Variants in KLHL33 observed in about 807,000 individuals in gnomAD.
The protein encoded by KLHL33 is kelch like family member 33.
In KLHL33, 46 loss-of-function variants were observed where a neutral mutation model predicts 60.8. That is an observed-to-expected ratio of 0.76 (90% CI 0.60 to 0.97). The LOEUF is 0.97. Ranked by LOEUF, KLHL33 falls within the 50% of genes least tolerant of loss-of-function variation. The probability of loss-of-function intolerance (pLI) is 0.00; values close to 1 mark genes in which losing one functional copy is unlikely to be tolerated. For missense variants in KLHL33, 1,055 were observed against 1,000.0 expected (o/e 1.05, Z -0.74); for synonymous variants, 434 against 432.2 (o/e 1.00, Z -0.05).
At chr14:20,434,716 G>A (rs901242905) in intron 2 of KLHL33, among the ~76,000 whole-genome samples, 1 of 152,184 alleles carries the variant, frequency 6.6e-6, no homozygotes, top group Admixed American at 6.5e-5. Context: ...AGGATGCCAA[G>A]AAGGGCCTTT....
chr14:20,432,985 A>AGAAAGAAAGAAAGAAAGAAG (rs1555330536), intron 2 of KLHL33, among the ~76,000 whole-genome samples: 7 of 151,944 alleles, frequency 4.6e-5, no homozygotes, highest in African/African-American at 1.7e-4. Context: ...AAAGAAAGAA[A>AGAAAGAAAGAAAGAAAGAAG]GAGAGAAATT....
intron 2 of KLHL33, among the ~76,000 whole-genome samples, chr14:20,431,323 G>A (rs17211432): frequency 0.12 from 18,364 of 152,132 alleles, 1,157 homozygotes; most frequent in Middle Eastern, 0.17. Flanking sequence ...TTTTCCGTGC[G>A]TCCCAGCTTT....
chr14:20,430,291 GGA>G lies in KLHL33; in HGVS notation c.1175_1176del (p.Leu392ProfsTer7), dbSNP rs1209126183. On this transcript the variant is annotated frameshift_variant, in exon 3 of 5. Transcript: ENST00000636854. LOFTEE classifies it high-confidence loss of function. ...CLAELLDSDE[L>X]HVQEEFEAFV... ...AAGGCCTCAAACTCCTCCTGCACAT[GGA>G]GCTCATCACTATCCAGGAGCTCAGC... 8 of 1,551,754 alleles carry G rather than the reference GGA, an allele frequency of 5.2e-6. No individual in the cohort carries two copies. The highest frequency in any genetic ancestry group is 7.0e-6 in the Non-Finnish European group (8 of 1,146,992).
At chr14:20,434,914 G>GC in intron 2 of KLHL33, 150 bp downstream of exon 2, 1 of 566,556 alleles carries the variant, frequency 1.8e-6, no homozygotes, top group Admixed American at 4.4e-5. Context: ...TCTCCGTGGG[G>GC]CAGGAGAGGC....
chr14:20,432,329 C>A (rs1465656230), intron 2 of KLHL33, among the ~76,000 whole-genome samples: 1 of 151,836 alleles, frequency 6.6e-6, no homozygotes, highest in Non-Finnish European at 1.5e-5. Context: ...GACAGGCTAA[C>A]CTTGAACTCC....
At position 20,430,100 on chromosome 14, in the gene KLHL33, C is replaced by T. The variant is rs1187331284; in HGVS notation, c.1368G>A (p.Leu456=). Residue 456 remains leucine, a synonymous_variant, in exon 3 of 5, where the codon CTG becomes CTA. Transcript: ENST00000636854. ...PPLTPDLLHQ[L]MVEADVPGQE... ...GGCCTGGAACATCAGCCTCTACCAT[C>T]AGCTGGTGCAACAGATCTGGGGTCA... 1.9e-6 allele frequency: 3 copies of T among 1,551,752 alleles called. No individual in the cohort carries two copies. The highest frequency in any genetic ancestry group is 2.0e-5 in the Admixed American group (1 of 51,008).
In KLHL33 at chr14:20,429,920, C is replaced by T; in HGVS notation, c.1548G>A (p.Gln516=). The part of the protein sequence containing the change: ...VGLVRTVEWG[Q]LPALPAPGRF... ...GTCCGGGGGCAGGCAGGGCAGGCAG[C>T]TGCCCCCACTCAACAGTTCGTACCA... Residue 516 remains glutamine, a synonymous_variant, in exon 3 of 5, where the codon CAG becomes CAA. Transcript: ENST00000636854. The T allele has an allele frequency of 6.4e-7, 1 of 1,551,762 alleles. No homozygotes were observed. Among genetic ancestry groups the T allele is most frequent in the Non-Finnish European group, 8.7e-7 (1 of 1,147,026 alleles).
chr14:20,434,003 G>T (rs1880603406), intron 2 of KLHL33, among the ~76,000 whole-genome samples: 2 of 152,182 alleles, frequency 1.3e-5, no homozygotes, highest in African/African-American at 4.8e-5. Context: ...AGTGGAAGGA[G>T]ACTGGACTAG....
Position 20,428,961 on chromosome 14 carries a change from A to C in KLHL33, c.2282T>G (p.Leu761Arg). 12 of 1,551,754 alleles carry C rather than the reference A, an allele frequency of 7.7e-6. No homozygotes were observed. Among genetic ancestry groups the C allele is most frequent in the Non-Finnish European group, 9.6e-6 (11 of 1,147,002 alleles). The change falls in exon 5 of 5, where the codon CTG becomes CGG. Residue 761 changes from leucine (L) to arginine (R), a missense_variant. Leu to Arg is a moderately radical substitution (Grantham distance 102). Coordinates refer to ENST00000636854, the MANE Select transcript of KLHL33 (RefSeq NM_001365790.2). ...AGCCCGAGGCCTTGGCAGAGTTCCCAGGCAGAGCCATCGGCCCAGGCCAGG... is the reference window on the plus strand; with the variant it reads ...AGCCCGAGGCCTTGGCAGAGTTCCCCGGCAGAGCCATCGGCCCAGGCCAGG... ...YCPGLGRWLCLGTLPRPRAEM... is the reference protein window; with the variant it reads ...YCPGLGRWLCRGTLPRPRAEM...
chr14:20,428,555 C>G lies in KLHL33; in HGVS notation c.*294G>C, dbSNP rs955407192. On this transcript the variant is annotated 3_prime_UTR_variant, in exon 5 of 5. Transcript: ENST00000636854. The stretch of plus-strand genomic sequence containing the variant: ...TTGGCTACTGAAGCTTCTTAACTCT[C>G]TTTCAAACTAGATGCCCTTTCCCTA... The G allele has an allele frequency of 8.1e-6, 3 of 371,238 alleles. No individual in the cohort carries two copies. Among genetic ancestry groups the G allele is most frequent in the Non-Finnish European group, 1.5e-5 (3 of 203,038 alleles). The allele number at this position is 371,238 out of a possible 1,614,324, so 23.0% of individuals were successfully genotyped here. A position where few individuals can be genotyped will look rare whatever the true frequency, so the allele number is the denominator to read the frequency against.
chr14:20,435,469 C>G lies in KLHL33; in HGVS notation c.343G>C (p.Glu115Gln), dbSNP rs953981464. ...RLREQRLLLDEEVSVAGRVYG... is the reference protein window; with the variant it reads ...RLREQRLLLDQEVSVAGRVYG... ...ACCCGCCCCGCGACTGACACCTCTT[C>G]GTCCAGCAACAGTCTCTGCTCCCGC... The change falls in exon 2 of 5, where the codon GAA becomes CAA. Residue 115 changes from glutamate to glutamine, a missense_variant. Glu to Gln is a conservative substitution (Grantham distance 29). Transcript: ENST00000636854. 8.1e-7 allele frequency: 1 copy of G among 1,234,430 alleles called. No homozygotes were observed. The highest frequency in any genetic ancestry group is 4.1e-5 in the South Asian group (1 of 24,426). 76.5% of individuals were successfully genotyped at this position (1,234,430 alleles called of 1,614,324 possible).
Position 20,433,924 on chromosome 14 carries a change from A to G in KLHL33, c.748+1140T>C, listed in dbSNP as rs562945114. Among the ~76,000 whole-genome samples the G allele has an allele frequency of 3.9e-5, 6 of 152,304 alleles. No individual in the cohort carries two copies. In the South Asian group the frequency reaches 1.2e-3, roughly 32 times the overall value. On this transcript the variant is annotated intron_variant, in intron 2 of 4. Transcript: ENST00000636854. The stretch of plus-strand genomic sequence containing the variant: ...CTGATTTCGTCATCATCAAAGTGTA[A>G]CAGCCCAACTAGATAATCTCTAAAC...
chr14:20,428,933 C>T lies in KLHL33; in HGVS notation c.2310G>A (p.Glu770=), dbSNP rs1200472204. ...CLGTLPRPRA[E]MPACILTLPA... ...GCAGTGTCAGGATGCAGGCAGGCAT[C>T]TCAGCCCGAGGCCTTGGCAGAGTTC... Residue 770 remains glutamate, a synonymous_variant, in exon 5 of 5, where the codon GAG becomes GAA. Coordinates refer to ENST00000636854, the MANE Select transcript of KLHL33 (RefSeq NM_001365790.2). 6.4e-7 allele frequency: 1 copy of T among 1,551,764 alleles called. No individual in the cohort carries two copies. The highest frequency in any genetic ancestry group is 2.0e-5 in the Admixed American group (1 of 51,006).
chr14:20,431,139 G>A (rs942299439), intron 2 of KLHL33, among the ~76,000 whole-genome samples: 2 of 152,158 alleles, frequency 1.3e-5, no homozygotes, highest in Non-Finnish European at 2.9e-5. Flanking sequence ...TGACCAACAA[G>A]CAACTTATAT....
chr14:20,432,964 A>AAGAAAGAAAGAAAGAAAGAAAGAG (rs1880565194), intron 2 of KLHL33, among the ~76,000 whole-genome samples: 5 of 151,666 alleles, frequency 3.3e-5, no homozygotes, highest in African/African-American at 9.7e-5. Flanking sequence ...GAAAGAAAGA[A>AAGAAAGAAAGAAAGAAAGAAAGAG]AGAAAGAAAG....
At chr14:20,432,950 G>GAAAGAAAGAAAGAAAT (rs1880561508) in intron 2 of KLHL33, among the ~76,000 whole-genome samples, 2 of 149,742 alleles carry the variant, frequency 1.3e-5, no homozygotes, top group Non-Finnish European at 3.0e-5. Context: ...AAGAAAGAAA[G>GAAAGAAAGAAAGAAAT]AAAGAAAGAA....
At position 20,435,209 on chromosome 14, in the gene KLHL33, G is replaced by A; in HGVS notation, c.603C>T (p.Cys201=). 8.1e-7 allele frequency: 1 copy of A among 1,234,356 alleles called. No homozygotes were observed. The highest frequency in any genetic ancestry group is 1.0e-6 in the Non-Finnish European group (1 of 988,200). 76.5% of individuals were successfully genotyped at this position (1,234,356 alleles called of 1,614,324 possible). ...CTTCCCTGGCATTTCCAGCCCTCTCGCATGTCTGCTGGGCAGCAGCCTTCA... is the reference window on the plus strand; with the variant it reads ...CTTCCCTGGCATTTCCAGCCCTCTCACATGTCTGCTGGGCAGCAGCCTTCA... ...PRVKAAAQQT[C]ERAGNAREDV... The change falls in exon 2 of 5, where the codon TGC becomes TGT. Residue 201 remains cysteine (C), a synonymous_variant. Coordinates refer to ENST00000636854, the MANE Select transcript of KLHL33 (RefSeq NM_001365790.2).
Position 20,430,322 on chromosome 14 carries a change from G to A in KLHL33, c.1146C>T (p.Cys382=), listed in dbSNP as rs1566500247. 1 of 1,551,888 alleles carries A rather than the reference G, an allele frequency of 6.4e-7. No homozygotes were observed. Among genetic ancestry groups the A allele is most frequent in the Non-Finnish European group, 8.7e-7 (1 of 1,147,028 alleles). Residue 382 remains cysteine, a synonymous_variant, in exon 3 of 5, where the codon TGC becomes TGT. Transcript: ENST00000636854. ...CPAFPSLPAA[C]LAELLDSDEL... ...CATCACTATCCAGGAGCTCAGCCAA[G>A]CAGGCAGCTGGTAAAGAAGGGAAAG...
chr14:20,430,745 GA>G, intron 2 of KLHL33, 26 bp from the exon 3 acceptor site: 1 of 1,458,114 alleles, frequency 6.9e-7, no homozygotes, highest in Non-Finnish European at 9.1e-7. Flanking sequence ...AGGAATAGAG[GA>G]GGACTCAAAG....
Sources: gnomAD v4.1 joint callset for allele counts (sites outside exome capture counted in the v4.1 genomes callset) on GRCh38, gnomAD v4.1.1 for gene constraint, MANE v1.5 for transcripts, NCBI Gene and HGNC (gene_info 2026-07-23, HGNC 2026-07-21) for gene names.